TRIM24: variants seen among roughly 807,000 people sequenced by gnomAD.
TRIM24 encodes transcription intermediary factor 1-alpha.
Under a neutral mutation model 123.9 loss-of-function variants are expected in TRIM24, and 29 were observed. The ratio of observed to expected loss-of-function variants is 0.23; its 90% confidence interval spans 0.17 to 0.32. The LOEUF (loss-of-function observed/expected upper bound fraction) is 0.32, where lower values mean the gene tolerates loss of function less well. TRIM24 is among the 10% of genes least tolerant of loss of function. The probability of loss-of-function intolerance (pLI) is 1.00; values close to 1 mark genes in which losing one functional copy is unlikely to be tolerated. For missense variants in TRIM24, 932 were observed against 1,295.3 expected (o/e 0.72, Z 4.31); for synonymous variants, 456 against 461.1 (o/e 0.99, Z 0.14).
At chr7:138,543,776 A>G (rs1797048645) in intron 7 of TRIM24, among the ~76,000 whole-genome samples, 1 of 152,162 alleles carries the variant, frequency 6.6e-6, no homozygotes, top group Non-Finnish European at 1.5e-5. Flanking sequence ...AACATTTTTG[A>G]TATACATAAC....
chr7:138,572,807 G>GTATT (rs368819413), intron 11 of TRIM24, among the ~76,000 whole-genome samples: 64 of 152,290 alleles, frequency 4.2e-4, no homozygotes, highest in African/African-American at 1.5e-3. Flanking sequence ...TGTGTCTAAA[G>GTATT]TATTAAACTC....
chr7:138,522,493 ATAT>A (rs1390853530), intron 4 of TRIM24, among the ~76,000 whole-genome samples: 9 of 152,316 alleles, frequency 5.9e-5, no homozygotes, highest in African/African-American at 1.9e-4. Flanking sequence ...GAAAAATACC[ATAT>A]ATTTGGAAAT....
intron 15 of TRIM24, among the ~76,000 whole-genome samples, chr7:138,579,758 T>C (rs773405851): frequency 1.3e-5 from 2 of 152,124 alleles, no homozygotes; most frequent in Non-Finnish European, 2.9e-5. Context: ...CCTGTCTGTC[T>C]GTACAAAATA....
intron 6 of TRIM24, 48 bp from the exon 7 acceptor site, chr7:138,538,609 C>T (rs1402585281): frequency 1.3e-6 from 2 of 1,594,504 alleles, no homozygotes; most frequent in South Asian, 2.2e-5. Flanking sequence ...CCATCAAAGT[C>T]TATGTTACAT....
intron 1 of TRIM24, among the ~76,000 whole-genome samples, chr7:138,462,336 ATCTT>A (rs957286344): frequency 4.2e-5 from 6 of 143,624 alleles, no homozygotes; most frequent in Non-Finnish European, 1.5e-5. Flanking sequence ...TAGTGCAAAA[ATCTT>A]TTTTTTTTTT....
At chr7:138,512,597 G>T (rs775975337) in intron 2 of TRIM24, among the ~76,000 whole-genome samples, 10 of 152,180 alleles carry the variant, frequency 6.6e-5, no homozygotes, top group Non-Finnish European at 1.3e-4. Flanking sequence ...GTGAAGCAGT[G>T]GCCTGAGCTG....
chr7:138,550,956 T>G, intron 7 of TRIM24, 107 bp from the exon 8 acceptor site: 2 of 838,814 alleles, frequency 2.4e-6, no homozygotes, highest in East Asian at 5.3e-5. Flanking sequence ...CTATATATGA[T>G]TGTTTATTGT....
intron 7 of TRIM24, among the ~76,000 whole-genome samples, chr7:138,539,786 C>A (rs1329978851): frequency 6.7e-6 from 1 of 150,122 alleles, no homozygotes; most frequent in Non-Finnish European, 1.5e-5. Flanking sequence ...AGTGTATATA[C>A]CTCAATTAAG....
intron 5 of TRIM24, 36 bp from the exon 6 acceptor site, chr7:138,529,080 A>T: frequency 7.6e-7 from 1 of 1,323,040 alleles, no homozygotes; most frequent in South Asian, 1.5e-5. Flanking sequence ...TTATACAAAA[A>T]AACTGCCTTA....
intron 2 of TRIM24, among the ~76,000 whole-genome samples, chr7:138,510,818 C>T (rs977619766): frequency 1.4e-4 from 21 of 152,158 alleles, no homozygotes; most frequent in Non-Finnish European, 2.6e-4. Flanking sequence ...TTAAATTTTG[C>T]TTTTGACATT....
chr7:138,475,209 T>G (rs1286205097), intron 1 of TRIM24, among the ~76,000 whole-genome samples: 1 of 152,162 alleles, frequency 6.6e-6, no homozygotes, highest in African/African-American at 2.4e-5. Context: ...GGAGCTAATT[T>G]CTATGTTGCT....
At chr7:138,483,292 A>C (rs1356575298) in intron 1 of TRIM24, among the ~76,000 whole-genome samples, 1 of 152,198 alleles carries the variant, frequency 6.6e-6, no homozygotes, top group Non-Finnish European at 1.5e-5. Context: ...TAATTCTAGT[A>C]AGTTCTCTGT....
chr7:138,559,526 C>T (rs956799000), intron 9 of TRIM24, among the ~76,000 whole-genome samples: 11 of 152,192 alleles, frequency 7.2e-5, no homozygotes, highest in South Asian at 2.1e-4. Flanking sequence ...ATGGTGCTCA[C>T]GCTTCAGCCG....
intron 6 of TRIM24, among the ~76,000 whole-genome samples, chr7:138,531,678 A>T (rs1224727256): frequency 3.3e-5 from 5 of 152,162 alleles, no homozygotes; most frequent in Non-Finnish European, 7.3e-5. Context: ...TAATAAACAT[A>T]CGTGTGCATG....
intron 6 of TRIM24, among the ~76,000 whole-genome samples, chr7:138,535,745 G>T (rs1796856387): frequency 6.6e-6 from 1 of 152,092 alleles, no homozygotes; most frequent in Non-Finnish European, 1.5e-5. Flanking sequence ...CGTATTTCCT[G>T]AATTTGAATG....
chr7:138,583,854 C>T lies in TRIM24; in HGVS notation c.2798C>T (p.Pro933Leu). 6.4e-7 allele frequency: 1 copy of T among 1,557,988 alleles called. No individual in the cohort carries two copies. Among genetic ancestry groups the T allele is most frequent in the Non-Finnish European group, 8.7e-7 (1 of 1,148,306 alleles). Residue 933 changes from proline (P) to leucine (L), a missense_variant, in exon 18 of 19, where the codon CCT becomes CTT. Transcript: ENST00000343526. The part of the protein sequence containing the change: ...AFQDPVPLTV[P>L]DYYKIIKNPM... ...AACATCTCATTTTTTTAATAGGTGCCTGATTATTACAAAATAATTAAAAAT... is the reference window on the plus strand; with the variant it reads ...AACATCTCATTTTTTTAATAGGTGCTTGATTATTACAAAATAATTAAAAAT...
intron 13 of TRIM24, among the ~76,000 whole-genome samples, chr7:138,576,953 A>T (rs1353752798): frequency 6.6e-6 from 1 of 152,130 alleles, no homozygotes; most frequent in Non-Finnish European, 1.5e-5. Context: ...GAGGGAGAAA[A>T]GTTTGCCTTT....
Position 138,554,657 on chromosome 7 carries a change from A to G in TRIM24, c.1262-41A>G, listed in dbSNP as rs752912157. On this transcript the variant is annotated intron_variant, in intron 8 of 18. Transcript: ENST00000343526. The surrounding 1 kb of genome is among the most constrained non-coding windows in gnomAD (Gnocchi z 4.5). Reference sequence around the variant, plus strand: ...TAGAAAATGTGATATTTCACCAACTATCTGAAAAACTGTTTCCCTTAACCT... The same window carrying G: ...TAGAAAATGTGATATTTCACCAACTGTCTGAAAAACTGTTTCCCTTAACCT... 1 of 1,577,278 alleles carries G rather than the reference A, an allele frequency of 6.3e-7. No individual in the cohort carries two copies. The highest frequency in any genetic ancestry group is 8.6e-7 in the Non-Finnish European group (1 of 1,161,458).
chr7:138,467,703 C>T (rs918438869), intron 1 of TRIM24, among the ~76,000 whole-genome samples: 10 of 152,092 alleles, frequency 6.6e-5, no homozygotes, highest in African/African-American at 2.4e-4. Flanking sequence ...CTTAAATTCT[C>T]GGCACTGTCT....
Sources: allele counts gnomAD v4.1 joint callset (sites outside exome capture counted in the v4.1 genomes callset), GRCh38; gene constraint gnomAD v4.1.1; non-coding constraint Gnocchi (gnomAD v3.1); transcripts MANE v1.5; gene names NCBI Gene and HGNC (gene_info 2026-07-23, HGNC 2026-07-21).